Variants in TRAPPC9 observed in about 807,000 individuals in gnomAD.
The protein encoded by TRAPPC9 is trafficking protein particle complex subunit 9.
A neutral mutation model predicts 124.0 loss-of-function variants in TRAPPC9; 83 were observed. That is an observed-to-expected ratio of 0.67 (90% CI 0.56 to 0.80). The LOEUF (loss-of-function observed/expected upper bound fraction) is 0.80. Among genes scored for constraint, TRAPPC9 ranks in the 30% least tolerant of loss-of-function variants. The probability of loss-of-function intolerance (pLI) is 0.00; values close to 1 mark genes in which losing one functional copy is unlikely to be tolerated. For synonymous variants in TRAPPC9, 638 were observed against 617.5 expected, an observed-to-expected ratio of 1.03 and a Z score of -0.49; for missense variants, 1,302 against 1,508.3, an observed-to-expected ratio of 0.86 and a Z score of 2.27.
intron 21 of TRAPPC9, among the ~76,000 whole-genome samples, chr8:139,842,112 T>C (rs1219310598): frequency 6.6e-6 from 1 of 152,242 alleles, no homozygotes; most frequent in Non-Finnish European, 1.5e-5. Flanking sequence ...CTAGGAACTC[T>C]GCACTGGACT....
In TRAPPC9 at chr8:140,041,742, C is replaced by T. The variant is rs112930277; in HGVS notation, c.2557-17663G>A. ...ATCCCAGCATTTTGGGAGGCCAAGGCGGGCAGATCACTTGAGGTCAGGAGT... is the reference window on the plus strand; with the variant it reads ...ATCCCAGCATTTTGGGAGGCCAAGGTGGGCAGATCACTTGAGGTCAGGAGT... On this transcript the variant is annotated intron_variant, in intron 17 of 22. Transcript: ENST00000438773. 7.2e-4 allele frequency among the ~76,000 whole-genome samples: 109 copies of T among 152,324 alleles called. No individual in the cohort carries two copies. In the East Asian group the frequency reaches 0.018, roughly 25 times the overall value.
At chr8:140,210,160 G>A (rs1209223671) in intron 17 of TRAPPC9, among the ~76,000 whole-genome samples, 1 of 152,244 alleles carries the variant, frequency 6.6e-6, no homozygotes, top group Admixed American at 6.5e-5. Context: ...TGCCAGCCTA[G>A]CAGAGGGGCC....
intron 21 of TRAPPC9, among the ~76,000 whole-genome samples, chr8:139,741,612 T>C (rs1199795885): frequency 6.6e-6 from 1 of 152,168 alleles, no homozygotes; most frequent in African/African-American, 2.4e-5. Context: ...CAGCCCGTTT[T>C]CGAACATCTC....
intron 17 of TRAPPC9, among the ~76,000 whole-genome samples, chr8:140,172,971 G>A (rs1265889370): frequency 1.3e-5 from 2 of 152,170 alleles, no homozygotes; most frequent in Admixed American, 6.5e-5. Flanking sequence ...GCTGGTGGCT[G>A]GTTAAAAAGC....
chr8:139,924,173 A>G (rs1412426374), intron 19 of TRAPPC9, among the ~76,000 whole-genome samples: 1 of 152,204 alleles, frequency 6.6e-6, no homozygotes, highest in Non-Finnish European at 1.5e-5. Flanking sequence ...GTCATCCTGG[A>G]TAAATCAGTC....
intron 6 of TRAPPC9, 41 bp from the exon 7 acceptor site, chr8:140,397,786 C>A: frequency 1.2e-6 from 2 of 1,611,762 alleles, no homozygotes; most frequent in South Asian, 2.2e-5. Flanking sequence ...AAAAAGAGTT[C>A]AGATGTTTCT....
At chr8:140,032,199 G>A (rs151115416) in intron 17 of TRAPPC9, among the ~76,000 whole-genome samples, 161 of 152,278 alleles carry the variant, frequency 1.1e-3, no homozygotes, top group African/African-American at 3.7e-3. Context: ...ATACTTTGTC[G>A]ATAAGAAGTG....
intron 21 of TRAPPC9, among the ~76,000 whole-genome samples, chr8:139,772,494 G>A (rs1254873064): frequency 6.6e-6 from 1 of 152,174 alleles, no homozygotes; most frequent in African/African-American, 2.4e-5. Context: ...ATCCTGAGAA[G>A]TCCCACACTC....
chr8:140,340,840 T>C (rs1280900439), intron 9 of TRAPPC9, among the ~76,000 whole-genome samples: 5 of 152,148 alleles, frequency 3.3e-5, no homozygotes, highest in South Asian at 2.1e-4. Context: ...CTCATCAAAA[T>C]AGAAAACTGT....
intron 19 of TRAPPC9, among the ~76,000 whole-genome samples, chr8:139,950,358 G>A (rs151202471): frequency 1.4e-4 from 22 of 152,382 alleles, no homozygotes; most frequent in African/African-American, 5.3e-4. Flanking sequence ...GTCAGCAGAT[G>A]ATGCCTGTCA....
intron 8 of TRAPPC9, among the ~76,000 whole-genome samples, chr8:140,370,146 T>C (rs1374503940): frequency 6.6e-6 from 1 of 152,042 alleles, no homozygotes; most frequent in Non-Finnish European, 1.5e-5. Context: ...TTTTGTTTTT[T>C]TGGGTTTTTT....
Position 140,375,012 on chromosome 8 carries a change from C to T in TRAPPC9, c.1135-3832G>A, listed in dbSNP as rs13252048. On this transcript the variant is annotated intron_variant, in intron 7 of 22. Coordinates refer to ENST00000438773, the MANE Select transcript of TRAPPC9 (RefSeq NM_001160372.4). ...AAACGGTTCCTTAATGGGAAAAGCT[C>T]GAGCGCAACTGCTTTTGGGCACTAG... is the stretch of plus-strand genomic sequence containing the variant. 2.0e-5 allele frequency among the ~76,000 whole-genome samples: 3 copies of T among 151,868 alleles called. No individual in the cohort carries two copies. In the South Asian group the frequency reaches 6.2e-4, roughly 31 times the overall value.
At chr8:140,449,759 GC>G (rs1444132016) in intron 2 of TRAPPC9, among the ~76,000 whole-genome samples, 1 of 152,196 alleles carries the variant, frequency 6.6e-6, no homozygotes, top group Non-Finnish European at 1.5e-5. Flanking sequence ...AGGGTGCACA[GC>G]CTGGCAATCC....
intron 11 of TRAPPC9, among the ~76,000 whole-genome samples, chr8:140,298,495 A>G (rs1208696354): frequency 1.3e-5 from 2 of 152,154 alleles, no homozygotes; most frequent in East Asian, 3.8e-4. Context: ...TCTACAAAAA[A>G]TACAAAAATC....
Position 140,275,797 on chromosome 8 carries a change from A to G in TRAPPC9, c.2139T>C (p.Ser713=). Residue 713 remains serine (S), a synonymous_variant, in exon 15 of 23, where the codon TCT becomes TCC. Coordinates refer to ENST00000438773, the MANE Select transcript of TRAPPC9 (RefSeq NM_001160372.4). ...CATTAGTAGATATTTCATCACCAGA[A>G]GAAGGTTGCAATGAATGTGCAGATC... is the stretch of plus-strand genomic sequence containing the variant. ...LPRSAHSLQP[S]SGDEISTNVS... 4 of 1,613,686 alleles carry G rather than the reference A, an allele frequency of 2.5e-6. No individual in the cohort carries two copies. The highest frequency in any genetic ancestry group is 1.1e-5 in the South Asian group (1 of 91,074).
chr8:140,104,768 G>A lies in TRAPPC9; in HGVS notation c.2557-80689C>T, dbSNP rs947338756. 2.0e-5 allele frequency among the ~76,000 whole-genome samples: 3 copies of A among 152,218 alleles called. No homozygotes were observed. The highest frequency in any genetic ancestry group is 7.2e-5 in the African/African-American group (3 of 41,448). ...AGCTAACAGAAGAACGGTTCACACC[G>A]ACAAGGTACTTCTTAAACATCCTTC... On this transcript the variant is annotated intron_variant, in intron 17 of 22. Transcript: ENST00000438773. The surrounding 1 kb of genome is among the most constrained non-coding windows in gnomAD (Gnocchi z 4.0).
At chr8:140,258,590 G>A (rs551593267) in intron 15 of TRAPPC9, among the ~76,000 whole-genome samples, 8 of 152,272 alleles carry the variant, frequency 5.3e-5, no homozygotes, top group Non-Finnish European at 1.0e-4. Flanking sequence ...GGAAGCTATC[G>A]CTTTCCCTTC....
At chr8:139,980,454 C>T (rs994689268) in intron 19 of TRAPPC9, among the ~76,000 whole-genome samples, 1 of 152,202 alleles carries the variant, frequency 6.6e-6, no homozygotes, top group African/African-American at 2.4e-5. Context: ...TCCCGGAATG[C>T]CTGCCCTGCA....
intron 9 of TRAPPC9, among the ~76,000 whole-genome samples, chr8:140,352,612 G>A (rs936007544): frequency 6.6e-6 from 1 of 152,162 alleles, no homozygotes. Flanking sequence ...GGTTACACTG[G>A]CCGCCGCTCC....
Sources: allele counts gnomAD v4.1 joint callset (sites outside exome capture counted in the v4.1 genomes callset), GRCh38; gene constraint gnomAD v4.1.1; non-coding constraint Gnocchi (gnomAD v3.1); transcripts MANE v1.5; gene names NCBI Gene and HGNC (gene_info 2026-07-23, HGNC 2026-07-21).